The following HECW2 variants were observed in gnomAD, a reference collection of about 807,000 sequenced individuals.
HECW2 encodes the protein E3 ubiquitin-protein ligase HECW2.
HECW2 carries 61 observed loss-of-function variants against 175.2 expected under a neutral mutation model. That is an observed-to-expected ratio of 0.35 (90% confidence interval 0.28 to 0.43). The LOEUF (loss-of-function observed/expected upper bound fraction) is 0.43. Among genes scored for constraint, HECW2 ranks in the 20% least tolerant of loss-of-function variants. HECW2 has a pLI of 1.00. For missense variants in HECW2, 1,524 were observed against 2,000.5 expected (o/e 0.76, Z 4.54); for synonymous variants, 671 against 731.0 (o/e 0.92, Z 1.32).
intron 2 of HECW2, among the ~76,000 whole-genome samples, chr2:196,409,840 G>A (rs1695061502): frequency 6.6e-6 from 1 of 152,182 alleles, no homozygotes; most frequent in African/African-American, 2.4e-5. Flanking sequence ...CAGAGTTCCA[G>A]TCTTGATCCT....
At chr2:196,424,064 GTC>G (rs769015176) in intron 2 of HECW2, among the ~76,000 whole-genome samples, 1 of 151,860 alleles carries the variant, frequency 6.6e-6, no homozygotes, top group African/African-American at 2.4e-5. Context: ...CTCACTTCAT[GTC>G]TCTGTGTCAC....
intron 1 of HECW2, among the ~76,000 whole-genome samples, chr2:196,488,629 TACACAC>T (rs139434140): frequency 4.1e-5 from 6 of 147,180 alleles, no homozygotes; most frequent in Admixed American, 2.0e-4. Flanking sequence ...GAAGAATGAA[TACACAC>T]ACACACACAC....
chr2:196,390,763 T>C (rs1201079904), intron 2 of HECW2, among the ~76,000 whole-genome samples: 1 of 152,166 alleles, frequency 6.6e-6, no homozygotes, highest in East Asian at 1.9e-4. Context: ...CATGTCACCA[T>C]AAGAAATAAG....
intron 2 of HECW2, among the ~76,000 whole-genome samples, chr2:196,387,855 G>C (rs1694393922): frequency 6.6e-6 from 1 of 152,124 alleles, no homozygotes; most frequent in African/African-American, 2.4e-5. Context: ...CTGTGACTTT[G>C]GGAATATCAT....
rs139624537 is a variant in HECW2 at position 196,540,634 on chromosome 2, G to A, written c.-36+52874C>T. Among the ~76,000 whole-genome samples, 33 of 152,010 alleles carry A rather than the reference G, an allele frequency of 2.2e-4. 1 individual carries two copies. Among genetic ancestry groups the A allele is most frequent in the South Asian group, 8.3e-4 (4 of 4,792 alleles). ...AATTTTTTAATGTTTTTGTAAAGAC[G>A]GGGTCTCGCTATGTTGCCCAGGCTG... On this transcript the variant is annotated intron_variant, in intron 1 of 28. Coordinates refer to ENST00000644978, the MANE Select transcript of HECW2 (RefSeq NM_001348768.2).
At chr2:196,552,795 A>G (rs1244166669) in intron 1 of HECW2, among the ~76,000 whole-genome samples, 1 of 152,212 alleles carries the variant, frequency 6.6e-6, no homozygotes, top group East Asian at 1.9e-4. Context: ...AGAGGCCAGA[A>G]TGGCAGTGAG....
chr2:196,469,109 G>A (rs1305185466), intron 1 of HECW2, among the ~76,000 whole-genome samples: 1 of 110,162 alleles, frequency 9.1e-6, no homozygotes, highest in Non-Finnish European at 1.9e-5. Flanking sequence ...ACCTGTGTGT[G>A]TGTGTGTGTG....
At chr2:196,554,253 A>G (rs979615908) in intron 1 of HECW2, among the ~76,000 whole-genome samples, 2 of 152,110 alleles carry the variant, frequency 1.3e-5, no homozygotes, top group East Asian at 1.9e-4. Context: ...GTGAACCCGG[A>G]AGGCGGAGCT....
At chr2:196,374,046 A>AAAAAAT (rs1553509128) in intron 2 of HECW2, among the ~76,000 whole-genome samples, 6 of 148,666 alleles carry the variant, frequency 4.0e-5, no homozygotes, top group African/African-American at 1.3e-4. Flanking sequence ...AAAATAAAAT[A>AAAAAAT]AAATAAATAA....
At chr2:196,246,506 T>G (rs1364791527) in intron 19 of HECW2, among the ~76,000 whole-genome samples, 4 of 152,122 alleles carry the variant, frequency 2.6e-5, no homozygotes, top group Non-Finnish European at 5.9e-5. Context: ...TGCCTCAGCC[T>G]CCTGAGTAGC....
intron 1 of HECW2, among the ~76,000 whole-genome samples, chr2:196,484,306 T>C (rs915331039): frequency 6.6e-6 from 1 of 152,204 alleles, no homozygotes; most frequent in Admixed American, 6.5e-5. Context: ...TACTCTAATA[T>C]CTGAACTAGG....
intron 1 of HECW2, among the ~76,000 whole-genome samples, chr2:196,478,364 G>A (rs1201955181): frequency 1.3e-5 from 2 of 152,160 alleles, no homozygotes; most frequent in Non-Finnish European, 2.9e-5. Context: ...TTCCACAGAT[G>A]AGTCTCCTGG....
intron 1 of HECW2, among the ~76,000 whole-genome samples, chr2:196,539,557 C>A (rs147266916): frequency 0.013 from 1,905 of 152,192 alleles, 40 homozygotes; most frequent in African/African-American, 0.044. Flanking sequence ...ATGGTGTGAA[C>A]CTGGGAGGCG....
intron 10 of HECW2, among the ~76,000 whole-genome samples, chr2:196,314,554 T>C (rs1691618911): frequency 6.6e-6 from 1 of 152,160 alleles, no homozygotes; most frequent in Non-Finnish European, 1.5e-5. Context: ...ATTACTTAAT[T>C]TATCTGGGCT....
intron 2 of HECW2, among the ~76,000 whole-genome samples, chr2:196,391,645 G>A (rs933147657): frequency 6.6e-6 from 1 of 152,130 alleles, no homozygotes; most frequent in Non-Finnish European, 1.5e-5. Flanking sequence ...TTAGATTAAG[G>A]AGGTATGGGT....
intron 18 of HECW2, among the ~76,000 whole-genome samples, chr2:196,256,751 T>C (rs377474792): frequency 6.6e-6 from 1 of 152,178 alleles, no homozygotes; most frequent in East Asian, 1.9e-4. Flanking sequence ...CCACCTAGCA[T>C]ACTATATGCT....
At chr2:196,307,745 GGTGA>G (rs773862353) in intron 11 of HECW2, among the ~76,000 whole-genome samples, 186 bp downstream of exon 11, 6 of 152,072 alleles carry the variant, frequency 3.9e-5, no homozygotes, top group Non-Finnish European at 8.8e-5. Flanking sequence ...TATATATGTG[GGTGA>G]GTATTATTAT....
At position 196,370,313 on chromosome 2, in the gene HECW2, C is replaced by T. The variant is rs184609570; in HGVS notation, c.293-26549G>A. ...CTGGCCCAGGCTGTGTCTAAAATGT[C>T]ATCCAGGAGCTAGGGCCTGGAATGG... is the stretch of plus-strand genomic sequence containing the variant. On this transcript the variant is annotated intron_variant, in intron 2 of 28. Coordinates refer to ENST00000644978, the MANE Select transcript of HECW2 (RefSeq NM_001348768.2). Among the ~76,000 whole-genome samples, 7 of 152,264 alleles carry T rather than the reference C, an allele frequency of 4.6e-5. No individual in the cohort carries two copies. In the East Asian group the frequency reaches 1.4e-3, roughly 29 times the overall value.
intron 1 of HECW2, among the ~76,000 whole-genome samples, chr2:196,522,246 T>C (rs1056148386): frequency 1.2e-4 from 18 of 152,148 alleles, no homozygotes; most frequent in African/African-American, 4.4e-4. Context: ...ATGATGAGCA[T>C]TTTTTCATGT....
Sources: gnomAD v4.1 joint callset for allele counts (sites outside exome capture counted in the v4.1 genomes callset) on GRCh38, gnomAD v4.1.1 for gene constraint, MANE v1.5 for transcripts, NCBI Gene and HGNC (gene_info 2026-07-23, HGNC 2026-07-21) for gene names.